Variants in CSNK1G1 observed in about 807,000 individuals in gnomAD.
CSNK1G1 encodes casein kinase I isoform gamma-1.
Under a neutral mutation model 59.6 loss-of-function variants are expected in CSNK1G1, and 22 were observed. That is an observed-to-expected ratio of 0.37 (90% confidence interval 0.26 to 0.53). The LOEUF is 0.53. Ranked by LOEUF, CSNK1G1 falls within the 20% of genes least tolerant of loss-of-function variation. CSNK1G1 has a pLI of 0.89. For missense variants in CSNK1G1, 384 were observed against 519.5 expected (o/e 0.74, Z 2.54); for synonymous variants, 179 against 177.1 (o/e 1.01, Z -0.08).
At position 64,165,932 on chromosome 15, in the gene CSNK1G1, A is replaced by G. The variant is rs551603667; in HGVS notation, c.*5999T>C. On this transcript the variant is annotated 3_prime_UTR_variant, in exon 12 of 12. Transcript: ENST00000303052. ...AAAGAAGGCTACTTCCTCTGCAGAG[A>G]AGATTTTCCTAATGGTGCACAAATA... is the stretch of plus-strand genomic sequence containing the variant. 2 of 602,858 alleles carry G rather than the reference A, an allele frequency of 3.3e-6. No individual in the cohort carries two copies. Among genetic ancestry groups the G allele is most frequent in the East Asian group, 3.0e-5 (1 of 33,860 alleles). The allele number at this position is 602,858 out of a possible 1,614,324, so 37.3% of individuals were successfully genotyped here. A position where few individuals can be genotyped will look rare whatever the true frequency, so the allele number is the denominator to read the frequency against.
At chr15:64,252,554 T>C (rs1444266141) in intron 3 of CSNK1G1, among the ~76,000 whole-genome samples, 1 of 152,194 alleles carries the variant, frequency 6.6e-6, no homozygotes, top group African/African-American at 2.4e-5. Flanking sequence ...TATGTGGATA[T>C]GTATTTATGT....
chr15:64,341,596 T>C (rs2140476226), intron 1 of CSNK1G1, among the ~76,000 whole-genome samples: 1 of 152,240 alleles, frequency 6.6e-6, no homozygotes, highest in African/African-American at 2.4e-5. Flanking sequence ...CCTCAATCTC[T>C]TGAGTAGCTG....
intron 4 of CSNK1G1, among the ~76,000 whole-genome samples, chr15:64,218,433 C>T (rs1298228169): frequency 2.0e-5 from 3 of 151,804 alleles, no homozygotes; most frequent in African/African-American, 7.3e-5. Context: ...CATTCTGTCA[C>T]CCAGGCTGGA....
intron 1 of CSNK1G1, among the ~76,000 whole-genome samples, chr15:64,303,109 G>A (rs1047265725): frequency 6.6e-6 from 1 of 151,786 alleles, no homozygotes; most frequent in African/African-American, 2.4e-5. Flanking sequence ...TGTGCCTATA[G>A]TCTCCAGTTA....
At chr15:64,333,583 C>T in intron 1 of CSNK1G1, among the ~76,000 whole-genome samples, 1 of 151,942 alleles carries the variant, frequency 6.6e-6, no homozygotes, top group South Asian at 2.1e-4. Context: ...CAGTACCTCA[C>T]ATCTCAGTAT....
At chr15:64,225,373 G>A (rs2082445877) in intron 4 of CSNK1G1, among the ~76,000 whole-genome samples, 1 of 152,040 alleles carries the variant, frequency 6.6e-6, no homozygotes, top group Non-Finnish European at 1.5e-5. Context: ...GTCATAACAG[G>A]CCAAAGGCCC....
Position 64,189,641 on chromosome 15 carries a change from T to C in CSNK1G1, c.1108-9187A>G, listed in dbSNP as rs191748405. Among the ~76,000 whole-genome samples, 467 of 152,314 alleles carry C rather than the reference T, an allele frequency of 3.1e-3. 2 individuals are homozygous for C. The highest frequency in any genetic ancestry group is 0.011 in the African/African-American group (441 of 41,578). Reference sequence around the variant, plus strand: ...TATAAATCTTACAAATGTTCACAGCTATAAAAGTTGTATTCTATAAAAAAC... The same window carrying C: ...TATAAATCTTACAAATGTTCACAGCCATAAAAGTTGTATTCTATAAAAAAC... On this transcript the variant is annotated intron_variant, in intron 10 of 11. Transcript: ENST00000303052.
At chr15:64,191,312 G>A (rs1223826868) in intron 10 of CSNK1G1, among the ~76,000 whole-genome samples, 5 of 151,952 alleles carry the variant, frequency 3.3e-5, no homozygotes, top group South Asian at 2.1e-4. Context: ...TGCCCGCCTC[G>A]GCCTCCCAAA....
intron 1 of CSNK1G1, among the ~76,000 whole-genome samples, chr15:64,344,195 T>C (rs981816510): frequency 6.6e-6 from 1 of 152,152 alleles, no homozygotes; most frequent in Non-Finnish European, 1.5e-5. Context: ...TAAAACAGAA[T>C]CAAAGCGCAC....
At chr15:64,350,562 A>G (rs2140492949) in intron 1 of CSNK1G1, among the ~76,000 whole-genome samples, 1 of 152,276 alleles carries the variant, frequency 6.6e-6, no homozygotes, top group East Asian at 1.9e-4. Flanking sequence ...TGAAGTTACC[A>G]TTCATATAGT....
chr15:64,274,140 C>CGTT (rs1893475173), intron 2 of CSNK1G1, among the ~76,000 whole-genome samples: 1 of 128,972 alleles, frequency 7.8e-6, no homozygotes, highest in Non-Finnish European at 1.6e-5. Context: ...GAATCAAATA[C>CGTT]ATGTTACCCT....
At chr15:64,250,525 C>T (rs1892015931) in intron 4 of CSNK1G1, among the ~76,000 whole-genome samples, 1 of 152,158 alleles carries the variant, frequency 6.6e-6, no homozygotes, top group Admixed American at 6.5e-5. Context: ...AGGAGGATCA[C>T]TTGAGCCCAG....
intron 10 of CSNK1G1, among the ~76,000 whole-genome samples, chr15:64,201,706 A>ATGTGTG (rs10664838): frequency 0.021 from 2,663 of 126,464 alleles, 45 homozygotes; most frequent in South Asian, 0.071. Flanking sequence ...TCCATTGGAC[A>ATGTGTG]TGTGTGTGTG....
chr15:64,350,959 T>C (rs867105524), intron 1 of CSNK1G1, among the ~76,000 whole-genome samples: 10 of 152,054 alleles, frequency 6.6e-5, no homozygotes, highest in Middle Eastern at 6.8e-3. Context: ...TGGGCAGAAA[T>C]GAGTAGAGAC....
chr15:64,260,705 T>C (rs983475418), intron 2 of CSNK1G1, among the ~76,000 whole-genome samples: 1 of 152,084 alleles, frequency 6.6e-6, no homozygotes, highest in Non-Finnish European at 1.5e-5. Context: ...ACCACTGTAC[T>C]CCAGCCTGGG....
At chr15:64,187,193 T>C (rs2081908428) in intron 10 of CSNK1G1, among the ~76,000 whole-genome samples, 2 of 151,570 alleles carry the variant, frequency 1.3e-5, no homozygotes, top group Admixed American at 6.6e-5. Flanking sequence ...CAATCCATCA[T>C]GGTTTTTTTT....
In CSNK1G1 at chr15:64,345,102, TTA is replaced by T. The variant is rs142640575; in HGVS notation, c.-225+10884_-225+10885del. On this transcript the variant is annotated intron_variant, in intron 1 of 11. Transcript: ENST00000303052. ...AGATGACCAGAATATTTAGATGTCA[TTA>T]TACCAATTAAGGTTAAAATGTTTTA... Among the ~76,000 whole-genome samples, 224 of 152,352 alleles carry T rather than the reference TTA, an allele frequency of 1.5e-3. 1 individual carries two copies. The highest frequency in any genetic ancestry group is 5.2e-3 in the African/African-American group (218 of 41,588).
In CSNK1G1 at chr15:64,188,874, T is replaced by A. The variant is rs960407237; in HGVS notation, c.1108-8420A>T. 6.6e-6 allele frequency among the ~76,000 whole-genome samples: 1 copy of A among 152,170 alleles called. No individual in the cohort carries two copies. The highest frequency in any genetic ancestry group is 1.5e-5 in the Non-Finnish European group (1 of 68,032). On this transcript the variant is annotated intron_variant, in intron 10 of 11. Transcript: ENST00000303052. This position sits in a 1 kb window ranked among gnomAD's most constrained non-coding sequence, Gnocchi z 4.2. ...TCGGAGTGGTGGCATACGCCTATAA[T>A]CTCAGCACTTTGGGAGGCCAAGGTG...
intron 1 of CSNK1G1, among the ~76,000 whole-genome samples, chr15:64,305,694 C>T (rs78423350): frequency 7.3e-6 from 1 of 137,330 alleles, no homozygotes; most frequent in African/African-American, 2.7e-5. Context: ...GACCCTGTCT[C>T]CAAAAAAAAA....
Sources: gnomAD v4.1 joint callset for allele counts (sites outside exome capture counted in the v4.1 genomes callset) on GRCh38, gnomAD v4.1.1 for gene constraint, Gnocchi (gnomAD v3.1) non-coding constraint, MANE v1.5 for transcripts, NCBI Gene and HGNC (gene_info 2026-07-23, HGNC 2026-07-21) for gene names.